The following RESP18 variants were observed in gnomAD, a reference collection of about 807,000 sequenced individuals.
The protein encoded by RESP18 is regulated endocrine specific protein 18.
A neutral mutation model predicts 30.0 loss-of-function variants in RESP18; 30 were observed. The observed-to-expected ratio is 1.00, with a 90% confidence interval of 0.75 to 1.36. The LOEUF is 1.36. RESP18 is among the 40% of genes most tolerant of loss of function. RESP18 has a pLI of 0.00. For missense variants in RESP18, 320 were observed against 284.2 expected, an observed-to-expected ratio of 1.13 and a Z score of -0.91; for synonymous variants, 117 against 111.2, an observed-to-expected ratio of 1.05 and a Z score of -0.33.
Position 219,330,823 on chromosome 2 carries a change from G to T in RESP18, c.285C>A (p.Ala95=). Residue 95 remains alanine (A), a synonymous_variant, in exon 3 of 7, where the codon GCC becomes GCA. Coordinates refer to ENST00000333527, the MANE Select transcript of RESP18 (RefSeq NM_001007089.4). ...CCTGTAAATGCTGGAAGACTGGGGT[G>T]GCAAATCCTTGGAGGGGCCAAAGCT... is the stretch of plus-strand genomic sequence containing the variant. The T allele has an allele frequency of 6.4e-7, 1 of 1,551,512 alleles. No homozygotes were observed. Among genetic ancestry groups the T allele is most frequent in the Non-Finnish European group, 8.7e-7 (1 of 1,146,908 alleles).
chr2:219,331,403 C>T (rs1382409969), intron 2 of RESP18, among the ~76,000 whole-genome samples: 2 of 152,156 alleles, frequency 1.3e-5, no homozygotes, highest in African/African-American at 4.8e-5. Context: ...CTATGCACAC[C>T]TTCCTTCTTC....
At chr2:219,331,712 C>A (rs1952832932) in intron 2 of RESP18, among the ~76,000 whole-genome samples, 2 of 152,164 alleles carry the variant, frequency 1.3e-5, no homozygotes, top group South Asian at 4.1e-4. Context: ...TGGTGACCCG[C>A]TCGGGCTCGG....
chr2:219,333,125 A>G (rs756105511), intron 1 of RESP18: 13 of 928,862 alleles, frequency 1.4e-5, no homozygotes, highest in East Asian at 3.1e-5. Context: ...AATATTATAT[A>G]TTATATATTA....
In RESP18 at chr2:219,328,987, C is replaced by A; in HGVS notation, c.577G>T (p.Gly193Trp). The A allele has an allele frequency of 6.4e-7, 1 of 1,551,046 alleles. No individual in the cohort carries two copies. The highest frequency in any genetic ancestry group is 8.7e-7 in the Non-Finnish European group (1 of 1,146,214). ...GGCGCCTGCATCATGTCCAGCCCCC[C>A]ATATGAACACCTATAGGTAATCTGA... Residue 193 changes from glycine to tryptophan, a missense_variant, in exon 6 of 7, where the codon GGG (glycine) becomes TGG (tryptophan). Coordinates refer to ENST00000333527, the MANE Select transcript of RESP18 (RefSeq NM_001007089.4).
intron 2 of RESP18, among the ~76,000 whole-genome samples, chr2:219,331,329 G>A (rs1416864059): frequency 6.6e-6 from 1 of 152,000 alleles, no homozygotes; most frequent in South Asian, 2.1e-4. Flanking sequence ...TTTTCCTGAA[G>A]CCCACAGTTT....
chr2:219,327,637 C>T (rs1253881275), intron 6 of RESP18, 74 bp from the exon 6 acceptor site: 1 of 1,258,574 alleles, frequency 7.9e-7, no homozygotes, highest in South Asian at 1.3e-5. Context: ...GCCCTCCTTC[C>T]ACAAATACTG....
At position 219,328,938 on chromosome 2, in the gene RESP18, A is replaced by T; in HGVS notation, c.626T>A (p.Ile209Asn). The T allele has an allele frequency of 6.5e-7, 1 of 1,549,680 alleles. No homozygotes were observed. Among genetic ancestry groups the T allele is most frequent in the Non-Finnish European group, 8.7e-7 (1 of 1,145,080 alleles). The change falls in exon 6 of 7, where the codon ATC becomes AAC. Residue 209 changes from isoleucine (I) to asparagine (N), a missense_variant. By Grantham distance (149) the Ile-to-Asn change is moderately radical. Transcript: ENST00000333527. ...TCAATACTTACGCATGATCTTATAG[A>T]TAATTTCTTCCTTAGAGGGTCCCGG...
At chr2:219,331,549 A>G (rs1952830960) in intron 2 of RESP18, among the ~76,000 whole-genome samples, 1 of 152,208 alleles carries the variant, frequency 6.6e-6, no homozygotes, top group South Asian at 2.1e-4. Flanking sequence ...TCCTGGGGGT[A>G]AGCGTGACAA....
At position 219,329,504 on chromosome 2, in the gene RESP18, TG is replaced by T. The variant is rs1377275847; in HGVS notation, c.465+132del. On this transcript the variant is annotated intron_variant, in intron 4 of 6. Coordinates refer to ENST00000333527, the MANE Select transcript of RESP18 (RefSeq NM_001007089.4). ...AATGGATCATGAAATTCTTCTCTGCTGATTCCAAACAGGACCTCTGAATTCT... is the reference window on the plus strand; with the variant it reads ...AATGGATCATGAAATTCTTCTCTGCTATTCCAAACAGGACCTCTGAATTCT... The T allele has an allele frequency of 3.9e-6, 6 of 1,535,888 alleles. No homozygotes were observed. The African/African-American group carries it at 6.2e-5, about 16-fold the overall frequency.
Position 219,329,230 on chromosome 2 carries a change from C to G in RESP18, c.488G>C (p.Arg163Thr). 1.9e-6 allele frequency: 3 copies of G among 1,551,706 alleles called. No homozygotes were observed. The highest frequency in any genetic ancestry group is 8.7e-7 in the Non-Finnish European group (1 of 1,146,978). The change falls in exon 5 of 7, where the codon AGG becomes ACG. Residue 163 changes from arginine to threonine, a missense_variant. By Grantham distance (71) the Arg-to-Thr change is moderately conservative. Coordinates refer to ENST00000333527, the MANE Select transcript of RESP18 (RefSeq NM_001007089.4). ...CACTTCGGAGGTAAAGCACTGATCC[C>G]TGTTCACCTTGGCCAGGGGGCTCTG...
intron 6 of RESP18, among the ~76,000 whole-genome samples, chr2:219,328,075 G>T (rs1952791791): frequency 6.6e-6 from 1 of 152,218 alleles, no homozygotes; most frequent in Non-Finnish European, 1.5e-5. Flanking sequence ...ACCAGGATGA[G>T]CCCCTCCTTA....
intron 3 of RESP18, 45 bp from the exon 3 acceptor site, chr2:219,329,809 C>T (rs984263119): frequency 1.0e-5 from 16 of 1,535,594 alleles, no homozygotes; most frequent in Non-Finnish European, 1.2e-5. Flanking sequence ...CTGAGACACT[C>T]GGATCCACTC....
chr2:219,331,387 C>T (rs1224573730), intron 2 of RESP18, among the ~76,000 whole-genome samples: 1 of 152,126 alleles, frequency 6.6e-6, no homozygotes, highest in South Asian at 2.1e-4. Flanking sequence ...AAGAGAACCC[C>T]TAATGCTATG....
At chr2:219,330,922 C>CAACTGGGATGTGGAAGG in intron 2 of RESP18, 47 bp from the exon 2 acceptor site, 2 of 1,125,710 alleles carry the variant, frequency 1.8e-6, no homozygotes, top group African/African-American at 1.5e-5. Context: ...CCAGAGCCTT[C>CAACTGGGATGTGGAAGG]CACATCCCAG....
At chr2:219,333,087 A>T in intron 1 of RESP18, 1 of 1,212,250 alleles carries the variant, frequency 8.2e-7, no homozygotes, top group Non-Finnish European at 1.1e-6. Flanking sequence ...GAAATCATAT[A>T]GGTTCGATCT....
Position 219,330,818 on chromosome 2 carries a change from G to A in RESP18, c.290C>T (p.Pro97Leu). The change falls in exon 3 of 7, where the codon CCA becomes CTA. Residue 97 changes from proline (P) to leucine (L), a missense_variant. Physicochemically the swap from Pro to Leu is moderately conservative, Grantham distance 98. Transcript: ENST00000333527. ...CACAACCTGTAAATGCTGGAAGACT[G>A]GGGTGGCAAATCCTTGGAGGGGCCA... The A allele has an allele frequency of 6.4e-7, 1 of 1,551,468 alleles. No homozygotes were observed. Among genetic ancestry groups the A allele is most frequent in the South Asian group, 1.2e-5 (1 of 84,050 alleles).
intron 2 of RESP18, among the ~76,000 whole-genome samples, chr2:219,331,989 T>A (rs377445204): frequency 2.0e-5 from 3 of 152,278 alleles, no homozygotes; most frequent in East Asian, 3.9e-4. Flanking sequence ...GCGCAGGAGT[T>A]CTCGAGTGTG....
intron 1 of RESP18, chr2:219,333,111 A>G (rs1952852003): frequency 8.1e-7 from 1 of 1,239,582 alleles, no homozygotes; most frequent in East Asian, 2.9e-5. Context: ...ATATATATAT[A>G]TATAATATTA....
rs1254160249 is a variant in RESP18, at chr2:219,329,708, C to A, written c.394G>T (p.Ala132Ser). The A allele has an allele frequency of 9.0e-6, 14 of 1,551,532 alleles. No individual in the cohort carries two copies. In the East Asian group the frequency reaches 1.7e-4, roughly 19 times the overall value. ...GGTTCTTGGGGATGCAGTCTGCTGG[C>A]ATGCTCCATCTTTTGGATCATTGCA... The change falls in exon 4 of 7, where the codon GCC becomes TCC. Residue 132 changes from alanine to serine, a missense_variant. Transcript: ENST00000333527.
Sources: gnomAD v4.1 joint callset for allele counts (sites outside exome capture counted in the v4.1 genomes callset) on GRCh38, gnomAD v4.1.1 for gene constraint, MANE v1.5 for transcripts, NCBI Gene and HGNC (gene_info 2026-07-23, HGNC 2026-07-21) for gene names.